BBS9: variants seen among roughly 807,000 people sequenced by gnomAD.
The protein encoded by BBS9 is Bardet-Biedl syndrome 9, also known as protein PTHB1.
In BBS9, 89 loss-of-function variants were observed where a neutral mutation model predicts 117.7. That is an observed-to-expected ratio of 0.76 (90% CI 0.64 to 0.90). The LOEUF (loss-of-function observed/expected upper bound fraction) is 0.90. Ranked by LOEUF, BBS9 falls within the 40% of genes least tolerant of loss-of-function variation. The pLI is 0.00. For synonymous variants in BBS9, 379 were observed against 370.9 expected, an observed-to-expected ratio of 1.02 and a Z score of -0.25; for missense variants, 982 against 1,042.2, an observed-to-expected ratio of 0.94 and a Z score of 0.80.
chr7:33,368,601 CA>C (rs1563074451), intron 17 of BBS9, among the ~76,000 whole-genome samples: 1 of 151,460 alleles, frequency 6.6e-6, no homozygotes, highest in African/African-American at 2.4e-5. Flanking sequence ...CACACACACA[CA>C]CACACACACA....
chr7:33,321,211 C>A (rs756411910), intron 9 of BBS9, among the ~76,000 whole-genome samples: 40 of 151,918 alleles, frequency 2.6e-4, no homozygotes, highest in Admixed American at 2.6e-4. Context: ...ATAGCTTTGG[C>A]TATACTGGGT....
At chr7:33,180,393 GCT>G (rs1797930636) in intron 5 of BBS9, among the ~76,000 whole-genome samples, 1 of 144,836 alleles carries the variant, frequency 6.9e-6, no homozygotes, top group Non-Finnish European at 1.5e-5. Flanking sequence ...ATGGAGTCTC[GCT>G]CTGTCATCAG....
chr7:33,293,220 T>A (rs1323745983), intron 9 of BBS9, among the ~76,000 whole-genome samples: 1 of 152,010 alleles, frequency 6.6e-6, no homozygotes, highest in Non-Finnish European at 1.5e-5. Context: ...TAAACTTGAA[T>A]ACATGCATAT....
intron 5 of BBS9, among the ~76,000 whole-genome samples, chr7:33,186,752 A>T (rs1019302): frequency 8.1e-4 from 124 of 152,302 alleles, no homozygotes; most frequent in African/African-American, 2.9e-3. Context: ...GTTGTTTTTT[A>T]AAATTTAAAT....
intron 5 of BBS9, among the ~76,000 whole-genome samples, chr7:33,220,521 C>T (rs1226495244): frequency 6.6e-6 from 1 of 152,200 alleles, no homozygotes; most frequent in Non-Finnish European, 1.5e-5. Context: ...GTATATAAAA[C>T]TACTTTGTAC....
chr7:33,314,224 A>G (rs2128559616), intron 9 of BBS9: 1 of 416,502 alleles, frequency 2.4e-6, no homozygotes, highest in South Asian at 1.8e-5. Context: ...TCAATATCTA[A>G]TTTTAATTTC....
intron 21 of BBS9, among the ~76,000 whole-genome samples, chr7:33,584,907 TTTAA>T (rs1056373382): frequency 6.6e-6 from 1 of 152,122 alleles, no homozygotes; most frequent in Non-Finnish European, 1.5e-5. Flanking sequence ...AGATCATTCT[TTTAA>T]TTATTTTTCC....
chr7:33,180,722 G>C (rs1382205431), intron 5 of BBS9, among the ~76,000 whole-genome samples: 3 of 152,134 alleles, frequency 2.0e-5, no homozygotes, highest in Admixed American at 2.0e-4. Context: ...GTAACAATCT[G>C]GTGGCCCGTA....
At chr7:33,211,003 T>G (rs1293858311) in intron 5 of BBS9, among the ~76,000 whole-genome samples, 1 of 152,246 alleles carries the variant, frequency 6.6e-6, no homozygotes, top group Admixed American at 6.5e-5. Flanking sequence ...GCTCTTCTTT[T>G]GATTTCCATT....
chr7:33,625,992 G>A (rs1865620369), intron 21 of BBS9, among the ~76,000 whole-genome samples: 1 of 152,160 alleles, frequency 6.6e-6, no homozygotes, highest in African/African-American at 2.4e-5. Flanking sequence ...CATTTTGGAA[G>A]TGATATGGTT....
At chr7:33,438,534 A>G (rs1835651808) in intron 19 of BBS9, among the ~76,000 whole-genome samples, 1 of 152,228 alleles carries the variant, frequency 6.6e-6, no homozygotes, top group Non-Finnish European at 1.5e-5. Context: ...CTGCCAAAAG[A>G]CATTGAAAGA....
Position 33,213,605 on chromosome 7 carries a change from T to G in BBS9, c.442+36014T>G, listed in dbSNP as rs146568837. The stretch of plus-strand genomic sequence containing the variant: ...GGAATGTGCTGGGTCACATGTGTCA[T>G]TAGCATGTCTCAGAGCCCAGGGCAC... On this transcript the variant is annotated intron_variant, in intron 5 of 22. Transcript: ENST00000242067. Among the ~76,000 whole-genome samples, 754 of 152,316 alleles carry G rather than the reference T, an allele frequency of 5.0e-3. 4 individuals are homozygous for G. The highest frequency in any genetic ancestry group is 0.017 in the African/African-American group (711 of 41,566).
intron 9 of BBS9, chr7:33,314,152 G>T (rs1017201334): frequency 9.3e-6 from 3 of 322,890 alleles, no homozygotes; most frequent in African/African-American, 6.6e-5. Context: ...CCAGGAAGGG[G>T]TTAATACAGT....
intron 5 of BBS9, among the ~76,000 whole-genome samples, chr7:33,256,042 A>G (rs2128310118): frequency 6.6e-6 from 1 of 152,258 alleles, no homozygotes; most frequent in African/African-American, 2.4e-5. Context: ...AGTCCCAGCT[A>G]CTTGGGAGGC....
intron 11 of BBS9, among the ~76,000 whole-genome samples, chr7:33,343,492 C>A (rs1816933371): frequency 6.6e-6 from 1 of 152,158 alleles, no homozygotes; most frequent in Admixed American, 6.5e-5. Context: ...TTCCATTCCC[C>A]TCCCCTCCCC....
intron 5 of BBS9, among the ~76,000 whole-genome samples, chr7:33,203,057 C>T (rs1341504866): frequency 6.6e-6 from 1 of 152,166 alleles, no homozygotes; most frequent in Admixed American, 6.5e-5. Flanking sequence ...TATGCTAATT[C>T]TGGAGCCCAC....
chr7:33,597,068 G>GTC lies in BBS9; in HGVS notation c.2522-7796_2522-7795dup, dbSNP rs994253868. ...GAATCATCTCTCTCTCTCTCTCTCT[G>GTC]TCACACACACACACACACACACACA... is the stretch of plus-strand genomic sequence containing the variant. On this transcript the variant is annotated intron_variant, in intron 21 of 22. Coordinates refer to ENST00000242067, the MANE Select transcript of BBS9 (RefSeq NM_198428.3). Among the ~76,000 whole-genome samples the GTC allele has an allele frequency of 2.3e-4, 18 of 76,672 alleles. No individual in the cohort carries two copies. In the East Asian group the frequency reaches 6.2e-3, roughly 26 times the overall value. 50.3% of individuals were successfully genotyped at this position (76,672 alleles called of 152,430 possible). A position where few individuals can be genotyped will look rare whatever the true frequency, so the allele number is the denominator to read the frequency against.
intron 12 of BBS9, among the ~76,000 whole-genome samples, chr7:33,347,983 A>G (rs1335597503): frequency 1.3e-5 from 2 of 152,088 alleles, no homozygotes; most frequent in East Asian, 3.8e-4. Flanking sequence ...ACATTTTAAA[A>G]TAGCTTTACT....
At chr7:33,168,217 T>C (rs1210620096) in intron 4 of BBS9, among the ~76,000 whole-genome samples, 1 of 152,206 alleles carries the variant, frequency 6.6e-6, no homozygotes, top group Non-Finnish European at 1.5e-5. Flanking sequence ...ACCTGAAATT[T>C]GGTTTTGGGA....
Sources: allele counts gnomAD v4.1 joint callset (sites outside exome capture counted in the v4.1 genomes callset), GRCh38; gene constraint gnomAD v4.1.1; transcripts MANE v1.5; gene names NCBI Gene and HGNC (gene_info 2026-07-23, HGNC 2026-07-21).